The following PSAT1 variants were observed in gnomAD, a reference collection of about 807,000 sequenced individuals.
The protein encoded by PSAT1 is phosphoserine aminotransferase.
A neutral mutation model predicts 40.3 loss-of-function variants in PSAT1; 41 were observed. The ratio of observed to expected loss-of-function variants is 1.02; its 90% CI spans 0.79 to 1.32. The LOEUF (loss-of-function observed/expected upper bound fraction) is 1.32. Among genes scored for constraint, PSAT1 ranks in the 40% most tolerant of loss-of-function variants. The pLI is 0.00. For missense variants in PSAT1, 406 were observed against 455.8 expected (o/e 0.89, Z 0.99); for synonymous variants, 147 against 170.5 (o/e 0.86, Z 1.07).
chr9:78,320,322 T>TTCCACCCA (rs1828409183), intron 7 of PSAT1, among the ~76,000 whole-genome samples: 1 of 146,208 alleles, frequency 6.8e-6, no homozygotes, highest in East Asian at 2.1e-4. Flanking sequence ...TCCATCAATC[T>TTCCACCCA]TCCATCCATC....
chr9:78,302,130 A>G (rs774273697), intron 3 of PSAT1, 107 bp downstream of exon 3: 4 of 835,346 alleles, frequency 4.8e-6, no homozygotes, highest in Non-Finnish European at 8.0e-6. Flanking sequence ...ATATTTCATA[A>G]TTTAAAATAA....
At chr9:78,303,288 A>G (rs919409534) in intron 3 of PSAT1, among the ~76,000 whole-genome samples, 49 of 152,316 alleles carry the variant, frequency 3.2e-4, no homozygotes, top group African/African-American at 1.2e-3. Context: ...TTGCAATGTG[A>G]ATGTTCAGAG....
In PSAT1 at chr9:78,314,027, G is replaced by A. The variant is rs114684824; in HGVS notation, c.741-3649G>A. Among the ~76,000 whole-genome samples, 497 of 152,304 alleles carry A rather than the reference G, an allele frequency of 3.3e-3. 4 individuals carry two copies. The highest frequency in any genetic ancestry group is 0.011 in the African/African-American group (456 of 41,560). On this transcript the variant is annotated intron_variant, in intron 6 of 8. Transcript: ENST00000376588. ...TTTAATCATTTAATAGGCAGAGTTAGGAACCCTATCCTGTGTGTTTGCAGG... is the reference window on the plus strand; with the variant it reads ...TTTAATCATTTAATAGGCAGAGTTAAGAACCCTATCCTGTGTGTTTGCAGG...
At chr9:78,297,410 C>A in intron 1 of PSAT1, 140 bp downstream of exon 1, 4 of 1,035,336 alleles carry the variant, frequency 3.9e-6, no homozygotes, top group Non-Finnish European at 5.8e-6. Flanking sequence ...GCGTGCACAG[C>A]GGGATCAGCA....
intron 1 of PSAT1, among the ~76,000 whole-genome samples, chr9:78,299,568 A>G (rs1828077782): frequency 7.6e-6 from 1 of 130,770 alleles, no homozygotes; most frequent in Non-Finnish European, 1.5e-5. Context: ...GCTGGAGTGC[A>G]GTCGCTTGGT....
intron 7 of PSAT1, among the ~76,000 whole-genome samples, chr9:78,318,860 A>G (rs574207873): frequency 1.1e-4 from 16 of 152,316 alleles, no homozygotes; most frequent in South Asian, 8.3e-4. Flanking sequence ...TAGGCCCTTC[A>G]CCAAAATGCC....
intron 7 of PSAT1, 151 bp downstream of exon 7, chr9:78,317,955 G>T (rs377435660): frequency 7.0e-6 from 7 of 1,001,592 alleles, no homozygotes; most frequent in Non-Finnish European, 1.5e-6. Context: ...ATGAGCAGGG[G>T]AGTGGGTGGT....
intron 5 of PSAT1, 108 bp downstream of exon 5, chr9:78,306,594 A>C (rs1274507507): frequency 1.4e-6 from 2 of 1,393,900 alleles, no homozygotes; most frequent in Non-Finnish European, 1.0e-6. Context: ...GGCCTGCAGA[A>C]CCCCTGAGCC....
chr9:78,319,356 C>G (rs1828394754), intron 7 of PSAT1, among the ~76,000 whole-genome samples: 1 of 152,214 alleles, frequency 6.6e-6, no homozygotes, highest in Non-Finnish European at 1.5e-5. Context: ...CCTCCTCCAG[C>G]TGCAAGCCCA....
At chr9:78,311,834 CAAAAACA>C (rs1828272829) in intron 6 of PSAT1, among the ~76,000 whole-genome samples, 2 of 150,778 alleles carry the variant, frequency 1.3e-5, no homozygotes, top group African/African-American at 2.5e-5. Context: ...TGTCTGAAAA[CAAAAACA>C]AAAACAAAAA....
intron 7 of PSAT1, among the ~76,000 whole-genome samples, chr9:78,320,091 C>G (rs182951880): frequency 6.6e-6 from 1 of 151,734 alleles, no homozygotes; most frequent in Non-Finnish European, 1.5e-5. Context: ...ATTCATCTAC[C>G]ACCTGCCTAC....
intron 6 of PSAT1, among the ~76,000 whole-genome samples, chr9:78,315,680 C>T (rs1477468352): frequency 2.0e-5 from 3 of 152,188 alleles, no homozygotes; most frequent in South Asian, 2.1e-4. Context: ...TGCTCCCTGC[C>T]TAAGGCCCCT....
chr9:78,301,801 C>T (rs940463420), intron 2 of PSAT1, among the ~76,000 whole-genome samples, 153 bp from the exon 3 acceptor site: 15 of 152,170 alleles, frequency 9.9e-5, no homozygotes, highest in African/African-American at 3.6e-4. Context: ...TTTGTATGGT[C>T]CCCTAAACTA....
At chr9:78,311,316 G>A (rs948671047) in intron 6 of PSAT1, among the ~76,000 whole-genome samples, 6 of 152,124 alleles carry the variant, frequency 3.9e-5, no homozygotes, top group African/African-American at 9.7e-5. Context: ...TGGAGATGGG[G>A]CCAGGGCCTG....
At chr9:78,300,162 C>G (rs1828086607) in intron 1 of PSAT1, among the ~76,000 whole-genome samples, 1 of 152,162 alleles carries the variant, frequency 6.6e-6, no homozygotes, top group Admixed American at 6.5e-5. Context: ...CTTCCTTCTT[C>G]CTGCCCACCC....
intron 7 of PSAT1, among the ~76,000 whole-genome samples, chr9:78,323,422 A>AATG (rs1342328573): frequency 6.6e-6 from 1 of 152,032 alleles, no homozygotes; most frequent in South Asian, 2.1e-4. Context: ...TAATAATAAT[A>AATG]ATAAAAAATT....
chr9:78,321,781 G>A (rs1056111331), intron 7 of PSAT1, among the ~76,000 whole-genome samples: 5 of 152,204 alleles, frequency 3.3e-5, no homozygotes, highest in East Asian at 1.9e-4. Flanking sequence ...ATTTTGCCAC[G>A]GTGGTGCGTG....
chr9:78,301,945 C>G lies in PSAT1; in HGVS notation c.122-9C>G, dbSNP rs1238498437. On this transcript the variant is annotated splice_polypyrimidine_tract_variant and intron_variant, in intron 2 of 8. Coordinates refer to ENST00000376588, the MANE Select transcript of PSAT1 (RefSeq NM_058179.4). ...TATTTGTTATTGTTGTTTATCTTTC[C>G]TTTCACAGAAATGAGTCACAGGTCA... 1.9e-5 allele frequency: 30 copies of G among 1,594,718 alleles called. No homozygotes were observed. Among genetic ancestry groups the G allele is most frequent in the Non-Finnish European group, 2.0e-5 (23 of 1,162,720 alleles).
At chr9:78,300,515 C>G in intron 1 of PSAT1, 87 bp from the exon 2 acceptor site, 1 of 1,501,428 alleles carries the variant, frequency 6.7e-7, no homozygotes, top group Non-Finnish European at 8.9e-7. Context: ...TAGACCCTTC[C>G]TTGTCCCCTC....
Sources: allele counts gnomAD v4.1 joint callset (sites outside exome capture counted in the v4.1 genomes callset), GRCh38; gene constraint gnomAD v4.1.1; transcripts MANE v1.5; gene names NCBI Gene and HGNC (gene_info 2026-07-23, HGNC 2026-07-21).